The following TSPAN9 variants were observed in gnomAD, a reference collection of about 807,000 sequenced individuals.
TSPAN9 encodes the protein tetraspanin-9.
TSPAN9 carries 16 observed loss-of-function variants against 31.0 expected under a neutral mutation model. The observed-to-expected ratio is 0.52, with a 90% CI of 0.35 to 0.78. The LOEUF (loss-of-function observed/expected upper bound fraction) is 0.78, where lower values mean the gene tolerates loss of function less well. TSPAN9 is among the 30% of genes least tolerant of loss of function. The probability of loss-of-function intolerance (pLI) is 0.01; values close to 1 mark genes in which losing one functional copy is unlikely to be tolerated. For missense variants in TSPAN9, 272 were observed against 312.5 expected (o/e 0.87, Z 0.98); for synonymous variants, 145 against 121.6 (o/e 1.19, Z -1.27).
chr12:3,277,064 G>A (rs1307800414), intron 3 of TSPAN9, among the ~76,000 whole-genome samples: 3 of 152,202 alleles, frequency 2.0e-5, no homozygotes, highest in East Asian at 1.9e-4. Flanking sequence ...CCCGGGAAGT[G>A]CCTTTCCAGC....
At chr12:3,169,094 C>T (rs773525072) in intron 2 of TSPAN9, among the ~76,000 whole-genome samples, 14 of 152,194 alleles carry the variant, frequency 9.2e-5, no homozygotes, top group Non-Finnish European at 8.8e-5. Flanking sequence ...CATTTTCACC[C>T]GCCTGTGAGT....
chr12:3,092,257 G>A (rs551125713), intron 2 of TSPAN9, among the ~76,000 whole-genome samples: 3 of 152,142 alleles, frequency 2.0e-5, no homozygotes, highest in East Asian at 1.9e-4. Flanking sequence ...CCACCCCTCC[G>A]TTACTTGTTC....
At chr12:3,119,509 C>G (rs368920741) in intron 2 of TSPAN9, among the ~76,000 whole-genome samples, 2 of 152,150 alleles carry the variant, frequency 1.3e-5, no homozygotes, top group Admixed American at 1.3e-4. Flanking sequence ...TGCCCTTGCC[C>G]GTGTGATGTT....
At chr12:3,226,782 A>ATTT (rs1565622641) in intron 3 of TSPAN9, among the ~76,000 whole-genome samples, 4 of 3,182 alleles carry the variant, frequency 1.3e-3, no homozygotes, top group African/African-American at 2.8e-3. Flanking sequence ...ATATATATAT[A>ATTT]TATATATATA....
chr12:3,182,516 TCATTCATTCGTCTGCC>T (rs1159877415), intron 2 of TSPAN9, among the ~76,000 whole-genome samples: 1 of 151,994 alleles, frequency 6.6e-6, no homozygotes, highest in Non-Finnish European at 1.5e-5. Context: ...GGGCTGCAGT[TCATTCATTCGTCTGCC>T]CATTCATTCA....
Position 3,223,122 on chromosome 12 carries a change from G to A in TSPAN9, c.63+21866G>A, listed in dbSNP as rs975237070. On this transcript the variant is annotated intron_variant, in intron 3 of 8. Transcript: ENST00000011898. Reference sequence around the variant, plus strand: ...CTATCAGTTTGATTTATGCCACTGCGGTTTTGCTTACAAATTAGAAGCCGC... The same window carrying A: ...CTATCAGTTTGATTTATGCCACTGCAGTTTTGCTTACAAATTAGAAGCCGC... Among the ~76,000 whole-genome samples, 8 of 152,178 alleles carry A rather than the reference G, an allele frequency of 5.3e-5. No individual in the cohort carries two copies. In the East Asian group the frequency reaches 7.7e-4, roughly 15 times the overall value.
chr12:3,108,577 C>G (rs928027943), intron 2 of TSPAN9, among the ~76,000 whole-genome samples: 1 of 152,178 alleles, frequency 6.6e-6, no homozygotes, highest in African/African-American at 2.4e-5. Flanking sequence ...TCCTTTCGAT[C>G]TTGAAACACC....
intron 2 of TSPAN9, among the ~76,000 whole-genome samples, chr12:3,103,746 G>T (rs1374984847): frequency 1.3e-5 from 2 of 152,136 alleles, no homozygotes; most frequent in African/African-American, 2.4e-5. Context: ...TGTGTTTCTG[G>T]TCCCAGCCTC....
intron 2 of TSPAN9, among the ~76,000 whole-genome samples, chr12:3,137,667 C>T (rs991887784): frequency 1.3e-5 from 2 of 152,164 alleles, no homozygotes; most frequent in African/African-American, 2.4e-5. Context: ...CCAGCTGCGT[C>T]CTCCCTGTTG....
rs1002487362 is a variant in TSPAN9 at position 3,168,319 on chromosome 12, G to A, written c.-17-32858G>A. Among the ~76,000 whole-genome samples the A allele has an allele frequency of 1.3e-5, 2 of 152,164 alleles. No individual in the cohort carries two copies. The highest frequency in any genetic ancestry group is 4.8e-5 in the African/African-American group (2 of 41,418). ...TCATAAAATCTCCCCTCTAGCGCTC[G>A]TCTTTTTGCTTCCTTCAATTCAAGA... On this transcript the variant is annotated intron_variant, in intron 2 of 8. Coordinates refer to ENST00000011898, the MANE Select transcript of TSPAN9 (RefSeq NM_006675.5). This position sits in a 1 kb window ranked among gnomAD's most constrained non-coding sequence, Gnocchi z 4.0.
chr12:3,236,804 G>A (rs920112506), intron 3 of TSPAN9, among the ~76,000 whole-genome samples: 3 of 152,096 alleles, frequency 2.0e-5, no homozygotes, highest in East Asian at 3.9e-4. Flanking sequence ...GGGTAGTGAC[G>A]TACAGGGATA....
intron 3 of TSPAN9, 86 bp downstream of exon 3, chr12:3,201,342 C>G (rs2098371659): frequency 8.4e-6 from 11 of 1,309,956 alleles, no homozygotes; most frequent in Non-Finnish European, 1.2e-5. Flanking sequence ...CTCTTCTGTG[C>G]TGCATTGCTC....
At chr12:3,190,609 C>T (rs1004051238) in intron 2 of TSPAN9, among the ~76,000 whole-genome samples, 1 of 152,180 alleles carries the variant, frequency 6.6e-6, no homozygotes, top group Non-Finnish European at 1.5e-5. Context: ...GCCTGAGAGC[C>T]CAGAGTGGGT....
chr12:3,111,282 G>A (rs1287452725), intron 2 of TSPAN9, among the ~76,000 whole-genome samples: 3 of 152,144 alleles, frequency 2.0e-5, no homozygotes, highest in African/African-American at 7.2e-5. Context: ...GGAGATGCCC[G>A]TCCCCTTTCG....
intron 2 of TSPAN9, chr12:3,124,632 A>G (rs1248193779): frequency 6.7e-6 from 1 of 149,742 alleles, no homozygotes; most frequent in Non-Finnish European, 1.5e-5. Flanking sequence ...CTTATCTTGA[A>G]CTCCCAACCT....
At chr12:3,091,882 G>A (rs1252688175) in intron 2 of TSPAN9, among the ~76,000 whole-genome samples, 1 of 152,162 alleles carries the variant, frequency 6.6e-6, no homozygotes, top group Admixed American at 6.5e-5. Context: ...AGGGAGTATG[G>A]CCTAGCACTG....
chr12:3,151,672 TAAACC>T (rs1393649720), intron 2 of TSPAN9, among the ~76,000 whole-genome samples: 2 of 152,126 alleles, frequency 1.3e-5, no homozygotes, highest in African/African-American at 4.8e-5. Flanking sequence ...TCTTCTTCCT[TAAACC>T]CAGATATGAA....
intron 2 of TSPAN9, among the ~76,000 whole-genome samples, chr12:3,157,814 G>A (rs897823441): frequency 6.6e-6 from 1 of 152,158 alleles, no homozygotes; most frequent in Admixed American, 6.5e-5. Flanking sequence ...AGGCACCACC[G>A]CTGTCCAGGA....
Position 3,189,569 on chromosome 12 carries a change from G to A in TSPAN9, c.-17-11608G>A, listed in dbSNP as rs56833940. Among the ~76,000 whole-genome samples, 811 of 152,266 alleles carry A rather than the reference G, an allele frequency of 5.3e-3. 7 individuals are homozygous for A. The highest frequency in any genetic ancestry group is 0.019 in the African/African-American group (776 of 41,550). On this transcript the variant is annotated intron_variant, in intron 2 of 8. Transcript: ENST00000011898. ...GTTACAACAGGAACAGACCTGGGCT[G>A]GAGCAACCTAAGAGCCTTTGAAAGC...
Sources: allele counts gnomAD v4.1 joint callset (sites outside exome capture counted in the v4.1 genomes callset), GRCh38; gene constraint gnomAD v4.1.1; non-coding constraint Gnocchi (gnomAD v3.1); transcripts MANE v1.5; gene names NCBI Gene and HGNC (gene_info 2026-07-23, HGNC 2026-07-21).